The following NKAIN3 variants were observed in gnomAD, a reference collection of about 807,000 sequenced individuals.
NKAIN3 encodes sodium/potassium transporting ATPase interacting 3.
A neutral mutation model predicts 30.2 loss-of-function variants in NKAIN3; 25 were observed. The ratio of observed to expected loss-of-function variants is 0.83; its 90% CI spans 0.60 to 1.16. The LOEUF is 1.16. Ranked by LOEUF, NKAIN3 falls within the 50% of genes most tolerant of loss-of-function variation. The pLI is 0.00. For missense variants in NKAIN3, 225 were observed against 254.1 expected, an observed-to-expected ratio of 0.89 and a Z score of 0.78; for synonymous variants, 91 against 89.6, an observed-to-expected ratio of 1.02 and a Z score of -0.09.
intron 1 of NKAIN3, among the ~76,000 whole-genome samples, chr8:62,360,703 T>A (rs982158455): frequency 1.3e-5 from 2 of 152,124 alleles, no homozygotes; most frequent in East Asian, 3.9e-4. Context: ...ATGATCTGAC[T>A]AATATTGTCA....
At chr8:62,960,285 G>C (rs1823533864) in intron 6 of NKAIN3, among the ~76,000 whole-genome samples, 1 of 152,152 alleles carries the variant, frequency 6.6e-6, no homozygotes, top group African/African-American at 2.4e-5. Context: ...TTTGACATGT[G>C]ACTTCACTCT....
At chr8:62,830,173 T>A (rs1819151264) in intron 4 of NKAIN3, among the ~76,000 whole-genome samples, 3 of 152,190 alleles carry the variant, frequency 2.0e-5, no homozygotes, top group African/African-American at 2.4e-5. Flanking sequence ...CTAGGTACAT[T>A]TTCAGAAACC....
chr8:62,249,209 C>G, intron 1 of NKAIN3, 82 bp downstream of exon 1: 1 of 1,231,698 alleles, frequency 8.1e-7, no homozygotes, highest in Admixed American at 2.4e-5. Context: ...GGTTCCGCAG[C>G]TCCCGGCAAG....
At chr8:62,785,495 T>C (rs562739928) in intron 4 of NKAIN3, among the ~76,000 whole-genome samples, 2 of 152,266 alleles carry the variant, frequency 1.3e-5, no homozygotes, top group South Asian at 4.1e-4. Flanking sequence ...ATGTGAATGT[T>C]CTAAAATTAG....
chr8:62,844,922 C>T (rs910118745), intron 4 of NKAIN3, among the ~76,000 whole-genome samples: 2 of 151,992 alleles, frequency 1.3e-5, no homozygotes, highest in Non-Finnish European at 2.9e-5. Context: ...CAAGGAAATA[C>T]TGTCTACGAA....
intron 3 of NKAIN3, among the ~76,000 whole-genome samples, chr8:62,630,478 G>C (rs1811923331): frequency 6.6e-6 from 1 of 152,050 alleles, no homozygotes; most frequent in Admixed American, 6.6e-5. Flanking sequence ...AGGAAGCTTT[G>C]GTTCTTAAAG....
chr8:62,837,418 A>C (rs938555965), intron 4 of NKAIN3, among the ~76,000 whole-genome samples: 2 of 152,136 alleles, frequency 1.3e-5, no homozygotes, highest in African/African-American at 4.8e-5. Context: ...AAACACAAAG[A>C]ATTATTTTCC....
At chr8:62,428,900 G>T (rs1297997016) in intron 1 of NKAIN3, among the ~76,000 whole-genome samples, 2 of 151,714 alleles carry the variant, frequency 1.3e-5, no homozygotes, top group East Asian at 3.9e-4. Context: ...AAAAATATTT[G>T]CCCAAATCAA....
chr8:62,404,016 G>C (rs1803975507), intron 1 of NKAIN3, among the ~76,000 whole-genome samples: 2 of 152,256 alleles, frequency 1.3e-5, no homozygotes, highest in Admixed American at 6.5e-5. Context: ...CTGGATGTGA[G>C]ACATGAAGTC....
intron 3 of NKAIN3, among the ~76,000 whole-genome samples, chr8:62,659,375 G>A (rs577457433): frequency 1.3e-5 from 2 of 152,118 alleles, no homozygotes; most frequent in Non-Finnish European, 2.9e-5. Context: ...CTATATCAGG[G>A]TTATTATATT....
At chr8:62,789,876 C>A (rs984261990) in intron 4 of NKAIN3, among the ~76,000 whole-genome samples, 2 of 152,116 alleles carry the variant, frequency 1.3e-5, no homozygotes, top group Admixed American at 1.3e-4. Flanking sequence ...CGAATTCTAC[C>A]AGAGGTATAA....
In NKAIN3 at chr8:62,863,777, G is replaced by C. The variant is rs1004334067; in HGVS notation, c.472-54676G>C. The stretch of plus-strand genomic sequence containing the variant: ...CATATCCCAGCACAGCCAGACAGTA[G>C]AGAAGTGCCCCCATCCAAGCTTTCT... On this transcript the variant is annotated intron_variant, in intron 4 of 6. Transcript: ENST00000623646. 5 of 1,611,108 alleles carry C rather than the reference G, an allele frequency of 3.1e-6. No individual in the cohort carries two copies. In the African/African-American group the frequency reaches 5.3e-5, roughly 17 times the overall value.
chr8:62,271,942 C>T (rs1036621352), intron 1 of NKAIN3, among the ~76,000 whole-genome samples: 13 of 152,140 alleles, frequency 8.5e-5, no homozygotes, highest in African/African-American at 2.9e-4. Context: ...GTGCTATTTA[C>T]GTAGCTCAGC....
At chr8:62,649,027 T>C (rs1812551367) in intron 3 of NKAIN3, among the ~76,000 whole-genome samples, 1 of 152,200 alleles carries the variant, frequency 6.6e-6, no homozygotes, top group South Asian at 2.1e-4. Flanking sequence ...TCTGAAACAA[T>C]TTTGGATAAT....
At chr8:62,955,457 C>T (rs1413974455) in intron 6 of NKAIN3, among the ~76,000 whole-genome samples, 1 of 151,772 alleles carries the variant, frequency 6.6e-6, no homozygotes, top group Non-Finnish European at 1.5e-5. Flanking sequence ...AAGACAATGC[C>T]TAGTGGTGAC....
At chr8:62,943,715 A>C (rs1260772338) in intron 5 of NKAIN3, among the ~76,000 whole-genome samples, 1 of 148,490 alleles carries the variant, frequency 6.7e-6, no homozygotes, top group East Asian at 1.9e-4. Context: ...ATATAAAGAA[A>C]ATTTTTTAAA....
intron 3 of NKAIN3, among the ~76,000 whole-genome samples, chr8:62,609,115 G>A (rs1246698114): frequency 2.0e-5 from 3 of 152,004 alleles, no homozygotes; most frequent in Admixed American, 6.6e-5. Flanking sequence ...TAATGATTTC[G>A]ACTTGATCTA....
At chr8:62,941,008 T>G (rs1306824192) in intron 5 of NKAIN3, among the ~76,000 whole-genome samples, 1 of 151,008 alleles carries the variant, frequency 6.6e-6, no homozygotes, top group Non-Finnish European at 1.5e-5. Flanking sequence ...GATGGACCAT[T>G]TGCAATATTA....
At chr8:62,409,829 C>T (rs1184342137) in intron 1 of NKAIN3, among the ~76,000 whole-genome samples, 2 of 151,594 alleles carry the variant, frequency 1.3e-5, no homozygotes, top group Non-Finnish European at 2.9e-5. Flanking sequence ...TTATATTGTG[C>T]TCATATAGTT....
Sources: gnomAD v4.1 joint callset for allele counts (sites outside exome capture counted in the v4.1 genomes callset) on GRCh38, gnomAD v4.1.1 for gene constraint, MANE v1.5 for transcripts, NCBI Gene and HGNC (gene_info 2026-07-23, HGNC 2026-07-21) for gene names.